DENND1A: variants seen among roughly 807,000 people sequenced by gnomAD.
The protein encoded by DENND1A is DENN domain containing 1A.
Under a neutral mutation model 113.7 loss-of-function variants are expected in DENND1A, and 51 were observed. That is an observed-to-expected ratio of 0.45 (90% CI 0.36 to 0.57). DENND1A has a LOEUF of 0.57. Among genes scored for constraint, DENND1A ranks in the 20% least tolerant of loss-of-function variants. The pLI is 0.00. For synonymous variants in DENND1A, 565 were observed against 570.8 expected (o/e 0.99, Z 0.14); for missense variants, 1,258 against 1,395.9 (o/e 0.90, Z 1.57).
intron 5 of DENND1A, 108 bp from the exon 6 acceptor site, chr9:123,676,897 A>C: frequency 9.8e-7 from 1 of 1,015,768 alleles, no homozygotes; most frequent in Non-Finnish European, 1.5e-6. Flanking sequence ...CATCCTGAAG[A>C]GTCTTCCTGT....
intron 2 of DENND1A, among the ~76,000 whole-genome samples, chr9:123,810,129 T>A (rs1836298223): frequency 6.6e-6 from 1 of 152,194 alleles, no homozygotes; most frequent in Non-Finnish European, 1.5e-5. Flanking sequence ...AAAACCTATA[T>A]GGAATAACAA....
At chr9:123,780,497 T>G (rs891154389) in intron 3 of DENND1A, among the ~76,000 whole-genome samples, 7 of 152,202 alleles carry the variant, frequency 4.6e-5, no homozygotes, top group African/African-American at 1.7e-4. Flanking sequence ...AAAGTCTACA[T>G]GCCTCCTTGT....
chr9:123,693,910 A>C (rs763786232), intron 5 of DENND1A, among the ~76,000 whole-genome samples: 1 of 150,864 alleles, frequency 6.6e-6, no homozygotes, highest in Non-Finnish European at 1.5e-5. Context: ...TCACTGCAAC[A>C]TCTGCCTCCC....
intron 13 of DENND1A, among the ~76,000 whole-genome samples, chr9:123,467,131 A>G (rs903586607): frequency 6.6e-6 from 1 of 152,232 alleles, no homozygotes; most frequent in African/African-American, 2.4e-5. Flanking sequence ...TATTTGAAGC[A>G]AGTTCTGGTT....
intron 12 of DENND1A, among the ~76,000 whole-genome samples, chr9:123,570,511 G>A (rs909223057): frequency 2.0e-5 from 3 of 152,190 alleles, no homozygotes; most frequent in African/African-American, 7.2e-5. Flanking sequence ...CCTGGAGGAT[G>A]GATGGGGACT....
chr9:123,858,837 T>C (rs886949481), intron 2 of DENND1A, among the ~76,000 whole-genome samples: 5 of 152,032 alleles, frequency 3.3e-5, no homozygotes, highest in South Asian at 2.1e-4. Flanking sequence ...AAAATACTTA[T>C]AGTTAAAAGA....
At chr9:123,711,487 A>AAATATATATATATATATATATATG (rs1564997543) in intron 5 of DENND1A, among the ~76,000 whole-genome samples, 1 of 64,790 alleles carries the variant, frequency 1.5e-5, no homozygotes, top group Non-Finnish European at 2.7e-5. Flanking sequence ...AAATTAAAAA[A>AAATATATATATATATATATATATG]TATATATATA....
At position 123,733,161 on chromosome 9, in the gene DENND1A, A is replaced by G. The variant is rs564159145; in HGVS notation, c.302+24542T>C. ...CACACTCGGCTAATTTTGTATTTTT[A>G]GTAGAGACGGGGTTTCTCCATGTAG... On this transcript the variant is annotated intron_variant, in intron 5 of 23. Transcript: ENST00000394215. Among the ~76,000 whole-genome samples, 3 of 152,056 alleles carry G rather than the reference A, an allele frequency of 2.0e-5. No homozygotes were observed. The South Asian group carries it at 6.2e-4, about 32-fold the overall frequency.
intron 20 of DENND1A, among the ~76,000 whole-genome samples, chr9:123,410,236 T>G (rs2044199768): frequency 6.6e-6 from 1 of 152,214 alleles, no homozygotes; most frequent in African/African-American, 2.4e-5. Flanking sequence ...CTTCAGTGCT[T>G]GCCAGAGTGA....
chr9:123,538,404 G>A (rs1420976791), intron 13 of DENND1A, among the ~76,000 whole-genome samples: 2 of 152,126 alleles, frequency 1.3e-5, no homozygotes, highest in Non-Finnish European at 2.9e-5. Flanking sequence ...AGTATCCTAA[G>A]CCAGGTTTTG....
intron 5 of DENND1A, among the ~76,000 whole-genome samples, chr9:123,694,450 G>A (rs12236170): frequency 0.074 from 11,263 of 152,232 alleles, 544 homozygotes; most frequent in African/African-American, 0.13. Flanking sequence ...AGAAAGATGA[G>A]CTGAGAGAAT....
At chr9:123,723,402 G>A (rs559652401) in intron 5 of DENND1A, among the ~76,000 whole-genome samples, 4 of 152,290 alleles carry the variant, frequency 2.6e-5, no homozygotes, top group Admixed American at 2.0e-4. Context: ...CTGTTGGGAA[G>A]GCATGATTAG....
chr9:123,810,757 C>T (rs909013951), intron 2 of DENND1A, among the ~76,000 whole-genome samples: 2 of 136,670 alleles, frequency 1.5e-5, no homozygotes, highest in Admixed American at 7.1e-5. Context: ...AACTTAAATC[C>T]CTTTTTTTTT....
intron 21 of DENND1A, among the ~76,000 whole-genome samples, chr9:123,390,422 G>A (rs1323666646): frequency 6.6e-6 from 1 of 152,252 alleles, no homozygotes; most frequent in Non-Finnish European, 1.5e-5. Context: ...ATGTTTGAAG[G>A]TGAGGGTGTC....
At chr9:123,553,405 C>A (rs540316140) in intron 13 of DENND1A, among the ~76,000 whole-genome samples, 5 of 151,488 alleles carry the variant, frequency 3.3e-5, no homozygotes, top group East Asian at 3.9e-4. Context: ...AAGCCGCCCC[C>A]CCCCCGCTCC....
chr9:123,828,390 T>C (rs570356801), intron 2 of DENND1A, among the ~76,000 whole-genome samples: 6 of 152,076 alleles, frequency 3.9e-5, no homozygotes, highest in African/African-American at 1.2e-4. Context: ...AAGTTATATA[T>C]GAACTACTGT....
In DENND1A at chr9:123,610,807, G is replaced by C. The variant is rs554156029; in HGVS notation, c.720-1326C>G. On this transcript the variant is annotated intron_variant, in intron 10 of 23. Coordinates refer to ENST00000394215, the MANE Select transcript of DENND1A (RefSeq NM_001352964.2). ...GAGTGGTAAGTAATGAGACAGGAGA[G>C]GTTTGCTTCCAACTGAATACTAAGG... Among the ~76,000 whole-genome samples the C allele has an allele frequency of 5.9e-4, 90 of 152,226 alleles. 1 individual carries two copies. The South Asian group carries it at 0.013, about 21-fold the overall frequency.
intron 13 of DENND1A, among the ~76,000 whole-genome samples, chr9:123,512,211 G>T (rs1172678800): frequency 1.3e-5 from 2 of 152,186 alleles, no homozygotes; most frequent in Admixed American, 1.3e-4. Context: ...TCACAGCCCC[G>T]GCTCCTCACT....
At chr9:123,640,231 G>C (rs938348690) in intron 9 of DENND1A, among the ~76,000 whole-genome samples, 45 of 152,236 alleles carry the variant, frequency 3.0e-4, no homozygotes, top group African/African-American at 1.1e-3. Context: ...AGAGGTTCAA[G>C]TGTGTTAGCA....
Sources: allele counts gnomAD v4.1 joint callset (sites outside exome capture counted in the v4.1 genomes callset), GRCh38; gene constraint gnomAD v4.1.1; transcripts MANE v1.5; gene names NCBI Gene and HGNC (gene_info 2026-07-23, HGNC 2026-07-21).